Variants in DLG2 observed in about 807,000 individuals in gnomAD.
The protein encoded by DLG2 is discs large MAGUK scaffold protein 2.
In DLG2, 45 loss-of-function variants were observed where a neutral mutation model predicts 132.5. That is an observed-to-expected ratio of 0.34 (90% CI 0.27 to 0.44). The LOEUF (loss-of-function observed/expected upper bound fraction) is 0.44. Ranked by LOEUF, DLG2 falls within the 20% of genes least tolerant of loss-of-function variation. DLG2 has a pLI of 1.00. For synonymous variants in DLG2, 424 were observed against 419.6 expected (o/e 1.01, Z -0.13); for missense variants, 1,045 against 1,196.9 (o/e 0.87, Z 1.87).
intron 6 of DLG2, among the ~76,000 whole-genome samples, chr11:84,788,292 G>T (rs1466668856): frequency 6.6e-6 from 1 of 151,900 alleles, no homozygotes; most frequent in African/African-American, 2.4e-5. Context: ...GAAAGCAAGA[G>T]CCTCCTATGT....
At chr11:84,840,938 T>A (rs546256337) in intron 6 of DLG2, among the ~76,000 whole-genome samples, 11 of 149,978 alleles carry the variant, frequency 7.3e-5, no homozygotes, top group Non-Finnish European at 1.0e-4. Flanking sequence ...TGTATAAATA[T>A]GTAACAAACC....
chr11:85,529,987 G>GTTTTTTTT (rs59507021), intron 3 of DLG2, among the ~76,000 whole-genome samples: 4 of 113,116 alleles, frequency 3.5e-5, no homozygotes, highest in Admixed American at 9.8e-5. Context: ...GAGAGGGTTT[G>GTTTTTTTT]TTTTTTTTTT....
At chr11:84,184,179 T>G (rs1257774997) in intron 8 of DLG2, among the ~76,000 whole-genome samples, 1 of 152,238 alleles carries the variant, frequency 6.6e-6, no homozygotes, top group Non-Finnish European at 1.5e-5. Flanking sequence ...TGAACTAGTT[T>G]ACAGTCCCAC....
At chr11:85,553,658 CA>C (rs2076787590) in intron 3 of DLG2, among the ~76,000 whole-genome samples, 1 of 151,366 alleles carries the variant, frequency 6.6e-6, no homozygotes, top group Non-Finnish European at 1.5e-5. Context: ...TGTTAATAAT[CA>C]ACATTCCTTT....
intron 19 of DLG2, among the ~76,000 whole-genome samples, chr11:83,582,748 C>T (rs1211912939): frequency 6.6e-6 from 1 of 152,162 alleles, no homozygotes; most frequent in East Asian, 1.9e-4. Context: ...TAAGTAGTAA[C>T]AGGAAGCATA....
chr11:83,766,357 T>C (rs1454824212), intron 18 of DLG2, among the ~76,000 whole-genome samples: 1 of 151,834 alleles, frequency 6.6e-6, no homozygotes, highest in Non-Finnish European at 1.5e-5. Flanking sequence ...CCTCCCAAAG[T>C]GCTGGGATTA....
chr11:83,837,317 T>C (rs1157713556), intron 16 of DLG2, among the ~76,000 whole-genome samples: 1 of 152,142 alleles, frequency 6.6e-6, no homozygotes, highest in East Asian at 1.9e-4. Flanking sequence ...AGCTCCCCAC[T>C]AGAAAGTGGA....
At chr11:85,511,736 T>TG (rs890581332) in intron 3 of DLG2, among the ~76,000 whole-genome samples, 1 of 151,730 alleles carries the variant, frequency 6.6e-6, no homozygotes, top group Non-Finnish European at 1.5e-5. Context: ...TTTTTTTTTT[T>TG]TCTGGTTAGA....
intron 11 of DLG2, among the ~76,000 whole-genome samples, chr11:84,029,909 C>T (rs993345108): frequency 3.3e-5 from 5 of 152,136 alleles, no homozygotes; most frequent in African/African-American, 1.2e-4. Flanking sequence ...AAAAGGCCTT[C>T]CTTGACCTCT....
chr11:83,480,671 A>C (rs2093029953), intron 22 of DLG2: 1 of 1,523,760 alleles, frequency 6.6e-7, no homozygotes, highest in African/African-American at 1.4e-5. Flanking sequence ...AAAAATGCAT[A>C]ATGTCAATTT....
intron 6 of DLG2, among the ~76,000 whole-genome samples, chr11:84,704,367 GT>G (rs924485557): frequency 2.6e-5 from 4 of 151,560 alleles, no homozygotes; most frequent in Non-Finnish European, 4.4e-5. Flanking sequence ...AGTTTTCAGA[GT>G]TTGGCAGACT....
chr11:84,027,464 G>A (rs770475285), intron 11 of DLG2, among the ~76,000 whole-genome samples: 1 of 151,732 alleles, frequency 6.6e-6, no homozygotes, highest in Non-Finnish European at 1.5e-5. Context: ...GAAGCCTCTT[G>A]AAGAAAATTT....
In DLG2 at chr11:83,741,725, C is replaced by T. The variant is rs978604736; in HGVS notation, c.1825+44965G>A. Among the ~76,000 whole-genome samples the T allele has an allele frequency of 3.3e-5, 5 of 152,050 alleles. No individual in the cohort carries two copies. In the South Asian group the frequency reaches 1.0e-3, roughly 32 times the overall value. On this transcript the variant is annotated intron_variant, in intron 18 of 27. Coordinates refer to ENST00000376104, the MANE Select transcript of DLG2 (RefSeq NM_001142699.3). ...AATCAATATTATAAAAATGGCCATACTGGCTGGGTGCAGTGGGTCATGCCT... is the reference window on the plus strand; with the variant it reads ...AATCAATATTATAAAAATGGCCATATTGGCTGGGTGCAGTGGGTCATGCCT...
intron 7 of DLG2, among the ~76,000 whole-genome samples, chr11:84,472,033 G>A (rs1414652936): frequency 6.6e-6 from 1 of 151,854 alleles, no homozygotes; most frequent in East Asian, 2.0e-4. Context: ...CCCAAATTCC[G>A]GTCCCCAAAT....
At chr11:84,332,344 T>A (rs1311077279) in intron 7 of DLG2, among the ~76,000 whole-genome samples, 2 of 151,480 alleles carry the variant, frequency 1.3e-5, no homozygotes, top group African/African-American at 4.9e-5. Context: ...CTAGAGTAGC[T>A]GGGACTACAG....
intron 6 of DLG2, among the ~76,000 whole-genome samples, chr11:85,046,215 G>T (rs1317171946): frequency 6.6e-6 from 1 of 152,014 alleles, no homozygotes; most frequent in East Asian, 1.9e-4. Context: ...GTTTCTATCT[G>T]AGAGCTGTGT....
At position 84,565,831 on chromosome 11, in the gene DLG2, A is replaced by G. The variant is rs79800545; in HGVS notation, c.358-31100T>C. ...CAGGAGCTATATTTTAAATATCTCT[A>G]TATCTCTAGTGATTTGATGATCACT... is the stretch of plus-strand genomic sequence containing the variant. On this transcript the variant is annotated intron_variant, in intron 6 of 27. Transcript: ENST00000376104. 7.5e-3 allele frequency among the ~76,000 whole-genome samples: 1,138 copies of G among 152,230 alleles called. 14 individuals carry two copies. Among genetic ancestry groups the G allele is most frequent in the African/African-American group, 0.025 (1,046 of 41,554 alleles).
At chr11:85,049,063 T>G (rs1271024744) in intron 6 of DLG2, among the ~76,000 whole-genome samples, 4 of 152,024 alleles carry the variant, frequency 2.6e-5, no homozygotes, top group African/African-American at 9.7e-5. Flanking sequence ...ACATTCGTCA[T>G]TCTCTATGAG....
intron 8 of DLG2, among the ~76,000 whole-genome samples, chr11:84,167,703 G>C (rs1291442880): frequency 6.6e-6 from 1 of 151,372 alleles, no homozygotes; most frequent in African/African-American, 2.4e-5. Context: ...TTTCAGTCTT[G>C]TCAACCAGGC....
Sources: allele counts gnomAD v4.1 joint callset (sites outside exome capture counted in the v4.1 genomes callset), GRCh38; gene constraint gnomAD v4.1.1; transcripts MANE v1.5; gene names NCBI Gene and HGNC (gene_info 2026-07-23, HGNC 2026-07-21).